BTBD7: variants seen among roughly 807,000 people sequenced by gnomAD.
BTBD7 encodes the protein BTB/POZ domain-containing protein 7.
Under a neutral mutation model 99.9 loss-of-function variants are expected in BTBD7, and 38 were observed. The ratio of observed to expected loss-of-function variants is 0.38; its 90% confidence interval spans 0.29 to 0.50. The LOEUF (loss-of-function observed/expected upper bound fraction) is 0.50. Among genes scored for constraint, BTBD7 ranks in the 20% least tolerant of loss-of-function variants. BTBD7 has a pLI of 0.93. For missense variants in BTBD7, 1,170 were observed against 1,394.6 expected (o/e 0.84, Z 2.57); for synonymous variants, 520 against 511.4 (o/e 1.02, Z -0.23).
intron 3 of BTBD7, among the ~76,000 whole-genome samples, chr14:93,284,480 G>A (rs2052755760): frequency 6.7e-6 from 1 of 150,194 alleles, no homozygotes; most frequent in South Asian, 2.1e-4. Context: ...TTAAAGAAAA[G>A]GTTACTCAGC....
At position 93,245,878 on chromosome 14, in the gene BTBD7, T is replaced by A. The variant is rs2052298711; in HGVS notation, c.2530A>T (p.Thr844Ser). The A allele has an allele frequency of 1.2e-6, 2 of 1,612,934 alleles. No homozygotes were observed. The highest frequency in any genetic ancestry group is 8.5e-7 in the Non-Finnish European group (1 of 1,179,734). Residue 844 changes from threonine to serine, a missense_variant, in exon 10 of 11, where the codon ACC becomes TCC. Around this residue, in one of 4 missense-constraint regions of BTBD7, gnomAD observed 495 missense variants for 525.9 expected, o/e 0.94. Coordinates refer to ENST00000334746, the MANE Select transcript of BTBD7 (RefSeq NM_001002860.4). ...GRQTVAAAAATTTSTATAAAA... is the reference protein window; with the variant it reads ...GRQTVAAAAASTTSTATAAAA... ...GCTGCTGTTGCTGTTGAGGTGGTGG[T>A]GGCGGCAGCAGCAGCCACCGTCTGT...
intron 3 of BTBD7, among the ~76,000 whole-genome samples, chr14:93,279,672 C>G (rs531696095): frequency 6.6e-6 from 1 of 152,116 alleles, no homozygotes; most frequent in African/African-American, 2.4e-5. Flanking sequence ...CTCAGCCTCC[C>G]GAGCAGCTGG....
intron 9 of BTBD7, among the ~76,000 whole-genome samples, chr14:93,248,066 T>A (rs939123367): frequency 6.6e-6 from 1 of 152,240 alleles, no homozygotes; most frequent in African/African-American, 2.4e-5. Context: ...CCATGCCATC[T>A]CTGGGCATGC....
chr14:93,294,708 T>C lies in BTBD7; in HGVS notation c.312A>G (p.Glu104=). The change falls in exon 3 of 11, where the codon GAA becomes GAG. Residue 104 remains glutamate (E), a synonymous_variant. Coordinates refer to ENST00000334746, the MANE Select transcript of BTBD7 (RefSeq NM_001002860.4). ...DVRDVNALVE[E]YEGTSALKEL... ...CCTTTAATGCTGATGTTCCCTCATA[T>C]TCCTCCACTAATGCATTGACATCTC... The C allele has an allele frequency of 6.2e-7, 1 of 1,614,140 alleles. No individual in the cohort carries two copies. The highest frequency in any genetic ancestry group is 1.3e-5 in the African/African-American group (1 of 75,054).
intron 6 of BTBD7, among the ~76,000 whole-genome samples, chr14:93,255,260 C>T (rs1487570533): frequency 6.6e-6 from 1 of 152,162 alleles, no homozygotes; most frequent in Non-Finnish European, 1.5e-5. Context: ...ATTCTCCCAT[C>T]TCAGTTTCTC....
chr14:93,280,143 T>C (rs1015802660), intron 3 of BTBD7, among the ~76,000 whole-genome samples: 1 of 152,208 alleles, frequency 6.6e-6, no homozygotes, highest in Non-Finnish European at 1.5e-5. Context: ...CAAAAAACTA[T>C]CAATCTAGGG....
chr14:93,312,870 C>T (rs1462968274), intron 1 of BTBD7, among the ~76,000 whole-genome samples: 2 of 149,572 alleles, frequency 1.3e-5, no homozygotes, highest in African/African-American at 4.9e-5. Context: ...TAAAACCCCA[C>T]ATCTCTTTTG....
intron 7 of BTBD7, among the ~76,000 whole-genome samples, chr14:93,251,958 T>G (rs2052372248): frequency 6.6e-6 from 1 of 152,112 alleles, no homozygotes; most frequent in South Asian, 2.1e-4. Context: ...AATAAAACAA[T>G]GTATACATGT....
chr14:93,313,991 CTG>C (rs2053170824), intron 1 of BTBD7, among the ~76,000 whole-genome samples: 1 of 152,058 alleles, frequency 6.6e-6, no homozygotes, highest in Admixed American at 6.6e-5. Context: ...AGTGACCTTC[CTG>C]CCTCAGCTTT....
At chr14:93,291,572 T>C (rs2052855426) in intron 3 of BTBD7, among the ~76,000 whole-genome samples, 1 of 152,106 alleles carries the variant, frequency 6.6e-6, no homozygotes, top group South Asian at 2.1e-4. Context: ...GGGGGAAAGA[T>C]ATGCCCCACA....
At chr14:93,266,267 G>T (rs1241176139) in intron 3 of BTBD7, among the ~76,000 whole-genome samples, 2 of 152,046 alleles carry the variant, frequency 1.3e-5, no homozygotes, top group Admixed American at 6.5e-5. Flanking sequence ...GTAATCAAAG[G>T]ACTCATGTTG....
At chr14:93,243,515 T>C (rs2139671496) in intron 10 of BTBD7, among the ~76,000 whole-genome samples, 1 of 152,270 alleles carries the variant, frequency 6.6e-6, no homozygotes, top group South Asian at 2.1e-4. Context: ...ATTATAAAAA[T>C]ACAGAAAGCT....
At chr14:93,286,489 G>C (rs770400154) in intron 3 of BTBD7, among the ~76,000 whole-genome samples, 1 of 152,168 alleles carries the variant, frequency 6.6e-6, no homozygotes, top group South Asian at 2.1e-4. Flanking sequence ...AACCCAAGTC[G>C]GGGGTAATGA....
chr14:93,330,777 T>C (rs2053393418), intron 1 of BTBD7, among the ~76,000 whole-genome samples: 1 of 152,210 alleles, frequency 6.6e-6, no homozygotes, highest in Non-Finnish European at 1.5e-5. Flanking sequence ...AACTTTGGCA[T>C]TACTGCACTT....
rs192603152 is a variant in BTBD7 at position 93,327,983 on chromosome 14, G to A, written c.-107+4837C>T. Among the ~76,000 whole-genome samples the A allele has an allele frequency of 1.5e-3, 235 of 152,110 alleles. 2 individuals carry two copies. The highest frequency in any genetic ancestry group is 1.9e-4 in the Non-Finnish European group (13 of 67,970). On this transcript the variant is annotated intron_variant, in intron 1 of 10. Coordinates refer to ENST00000334746, the MANE Select transcript of BTBD7 (RefSeq NM_001002860.4). ...AGTTGCATTCTTAAACATTAACAAT[G>A]AACAATCCAAAAGAGAAATTAAGAC...
chr14:93,320,719 T>A (rs1190438464), intron 1 of BTBD7, among the ~76,000 whole-genome samples: 1 of 151,926 alleles, frequency 6.6e-6, no homozygotes, highest in Non-Finnish European at 1.5e-5. Context: ...TTATCCACCA[T>A]GTGACTACTG....
chr14:93,238,189 A>G lies in BTBD7; in HGVS notation c.*4084T>C, dbSNP rs1048241244. Reference sequence around the variant, plus strand: ...ACACACACTTGCAAGTAATCTTTCTATAGAAATGGCCACAGCATTATAATA... The same window carrying G: ...ACACACACTTGCAAGTAATCTTTCTGTAGAAATGGCCACAGCATTATAATA... On this transcript the variant is annotated 3_prime_UTR_variant, in exon 11 of 11. Coordinates refer to ENST00000334746, the MANE Select transcript of BTBD7 (RefSeq NM_001002860.4). 6.6e-6 allele frequency: 1 copy of G among 152,640 alleles called. No individual in the cohort carries two copies. Among genetic ancestry groups the G allele is most frequent in the Non-Finnish European group, 1.5e-5 (1 of 68,040 alleles). 9.5% of individuals were successfully genotyped at this position (152,640 alleles called of 1,614,324 possible).
rs1332923731 is a variant in BTBD7, at chr14:93,324,081, A to G, written c.-107+8739T>C. On this transcript the variant is annotated intron_variant, in intron 1 of 10. Transcript: ENST00000334746. ...TGACTATTGTGCAAAGTTCCAAAAG[A>G]ATGTATGACTGTTGGTAAAGGTATC... Among the ~76,000 whole-genome samples, 3 of 152,202 alleles carry G rather than the reference A, an allele frequency of 2.0e-5. No individual in the cohort carries two copies. In the East Asian group the frequency reaches 5.8e-4, roughly 29 times the overall value.
rs149587643 is a variant in BTBD7 at position 93,245,393 on chromosome 14, G to A, written c.2583+432C>T. Reference sequence around the variant, plus strand: ...GAGTTTTTTCCACATTATTCCTGACGGTATACTGTACTTAGCTATAAGTAG... The same window carrying A: ...GAGTTTTTTCCACATTATTCCTGACAGTATACTGTACTTAGCTATAAGTAG... On this transcript the variant is annotated intron_variant, in intron 10 of 10. Transcript: ENST00000334746. Among the ~76,000 whole-genome samples, 473 of 152,168 alleles carry A rather than the reference G, an allele frequency of 3.1e-3. 2 individuals carry two copies. Among genetic ancestry groups the A allele is most frequent in the Non-Finnish European group, 4.9e-3 (331 of 68,002 alleles).
Sources: gnomAD v4.1 joint callset for allele counts (sites outside exome capture counted in the v4.1 genomes callset) on GRCh38, gnomAD v4.1.1 for gene constraint, gnomAD v4.1.1 regional missense constraint, MANE v1.5 for transcripts, NCBI Gene and HGNC (gene_info 2026-07-23, HGNC 2026-07-21) for gene names.